Variants in PPP1R14C observed in about 807,000 individuals in gnomAD.
The protein encoded by PPP1R14C is protein phosphatase 1 regulatory subunit 14C.
In PPP1R14C, 16 loss-of-function variants were observed where a neutral mutation model predicts 20.4. The ratio of observed to expected loss-of-function variants is 0.78; its 90% CI spans 0.53 to 1.19. PPP1R14C has a LOEUF of 1.19. PPP1R14C is among the 50% of genes most tolerant of loss of function. The pLI is 0.00. For synonymous variants in PPP1R14C, 91 were observed against 91.0 expected (o/e 1.00, Z 0.00); for missense variants, 211 against 220.1 (o/e 0.96, Z 0.26).
intron 1 of PPP1R14C, among the ~76,000 whole-genome samples, chr6:150,202,604 G>C (rs1777892145): frequency 6.6e-6 from 1 of 152,210 alleles, no homozygotes; most frequent in South Asian, 2.1e-4. Flanking sequence ...AGCCCTGCAG[G>C]CTCTTCTCTG....
intron 3 of PPP1R14C, among the ~76,000 whole-genome samples, chr6:150,237,692 G>T (rs757662124): frequency 4.6e-5 from 7 of 152,272 alleles, no homozygotes; most frequent in East Asian, 1.9e-4. Context: ...TTGAGGTGAG[G>T]TCTTATTGTC....
intron 3 of PPP1R14C, among the ~76,000 whole-genome samples, chr6:150,226,132 T>G (rs528465785): frequency 3.1e-4 from 47 of 152,202 alleles, no homozygotes; most frequent in Non-Finnish European, 5.1e-4. Flanking sequence ...CTGATTCATA[T>G]TCAGTCTGCG....
intron 1 of PPP1R14C, among the ~76,000 whole-genome samples, chr6:150,171,798 ATTTCTTTTTTTCTTT>A (rs1324389420): frequency 6.6e-6 from 1 of 152,010 alleles, no homozygotes; most frequent in Non-Finnish European, 1.5e-5. Context: ...GAATTTCTCC[ATTTCTTTTTTTCTTT>A]TTTCTTTTTT....
At chr6:150,179,454 A>G (rs1777597361) in intron 1 of PPP1R14C, among the ~76,000 whole-genome samples, 1 of 150,592 alleles carries the variant, frequency 6.6e-6, no homozygotes. Context: ...AGGGTCGGCC[A>G]TGAAGACTTT....
At chr6:150,169,679 C>T (rs79961959) in intron 1 of PPP1R14C, among the ~76,000 whole-genome samples, 1,805 of 152,206 alleles carry the variant, frequency 0.012, 17 homozygotes, top group Admixed American at 0.017. Flanking sequence ...ATGAAAAGGC[C>T]GAAGCGGGAA....
chr6:150,214,216 C>A (rs1017939349), intron 1 of PPP1R14C, among the ~76,000 whole-genome samples: 3 of 152,124 alleles, frequency 2.0e-5, no homozygotes, highest in African/African-American at 7.2e-5. Flanking sequence ...TTTCCATAGA[C>A]CCAGAGCTGT....
chr6:150,235,851 T>C (rs1778353369), intron 3 of PPP1R14C, among the ~76,000 whole-genome samples: 1 of 152,204 alleles, frequency 6.6e-6, no homozygotes, highest in Non-Finnish European at 1.5e-5. Flanking sequence ...AAAAGGTTCG[T>C]CGTACTCAGG....
chr6:150,189,396 A>G (rs1777716529), intron 1 of PPP1R14C, among the ~76,000 whole-genome samples: 1 of 152,168 alleles, frequency 6.6e-6, no homozygotes, highest in South Asian at 2.1e-4. Flanking sequence ...ATCATAATGC[A>G]ATAGAGCAGA....
intron 3 of PPP1R14C, among the ~76,000 whole-genome samples, chr6:150,226,126 T>C (rs1248996919): frequency 1.3e-5 from 2 of 152,028 alleles, no homozygotes; most frequent in Admixed American, 6.6e-5. Context: ...ACCTGACTGA[T>C]TCATATTCAG....
At chr6:150,182,737 C>A (rs944709122) in intron 1 of PPP1R14C, among the ~76,000 whole-genome samples, 3 of 152,144 alleles carry the variant, frequency 2.0e-5, no homozygotes, top group African/African-American at 4.8e-5. Flanking sequence ...CAAGTAGGTA[C>A]AATAGCCAGC....
intron 1 of PPP1R14C, among the ~76,000 whole-genome samples, chr6:150,155,853 C>T (rs115787423): frequency 0.016 from 2,389 of 151,206 alleles, 61 homozygotes; most frequent in African/African-American, 0.055. Flanking sequence ...GGTAAGACCC[C>T]GTCTCTATTT....
At chr6:150,233,831 T>C (rs1040172557) in intron 3 of PPP1R14C, among the ~76,000 whole-genome samples, 1 of 152,172 alleles carries the variant, frequency 6.6e-6, no homozygotes, top group South Asian at 2.1e-4. Flanking sequence ...CTGGAGCTCA[T>C]CCTGACAGCT....
chr6:150,203,381 G>C (rs991530956), intron 1 of PPP1R14C, among the ~76,000 whole-genome samples: 2 of 152,178 alleles, frequency 1.3e-5, no homozygotes, highest in African/African-American at 4.8e-5. Flanking sequence ...GTCTTTTCAT[G>C]CTTGATGGCC....
rs368212824 is a variant in PPP1R14C at position 150,185,452 on chromosome 6, G to C, written c.307-29292G>C. Among the ~76,000 whole-genome samples the C allele has an allele frequency of 3.3e-5, 5 of 152,098 alleles. No individual in the cohort carries two copies. The highest frequency in any genetic ancestry group is 7.3e-5 in the Non-Finnish European group (5 of 68,034). ...GGGGACCATCCTTGCATTAACCACA[G>C]GAATTTCCAGCAACAGTCCACTACC... On this transcript the variant is annotated intron_variant, in intron 1 of 3. Transcript: ENST00000361131. This position sits in a 1 kb window ranked among gnomAD's most constrained non-coding sequence, Gnocchi z 4.1.
At chr6:150,169,531 G>T (rs897865214) in intron 1 of PPP1R14C, among the ~76,000 whole-genome samples, 9 of 152,200 alleles carry the variant, frequency 5.9e-5, no homozygotes, top group South Asian at 2.1e-4. Context: ...CTGTTAAAAG[G>T]TTGTCGTTGT....
chr6:150,168,656 G>A (rs1777464760), intron 1 of PPP1R14C, among the ~76,000 whole-genome samples: 1 of 152,178 alleles, frequency 6.6e-6, no homozygotes, highest in African/African-American at 2.4e-5. Flanking sequence ...CTGGGGAGGA[G>A]CAGGGACAAG....
intron 1 of PPP1R14C, among the ~76,000 whole-genome samples, chr6:150,204,191 T>C (rs1156881575): frequency 6.6e-6 from 1 of 152,238 alleles, no homozygotes; most frequent in Admixed American, 6.5e-5. Context: ...GCTTAGAAGA[T>C]TGTCCTTGCC....
At position 150,187,251 on chromosome 6, in the gene PPP1R14C, G is replaced by C. The variant is rs1000462478; in HGVS notation, c.307-27493G>C. 7.3e-3 allele frequency among the ~76,000 whole-genome samples: 334 copies of C among 45,552 alleles called. 2 individuals carry two copies. The highest frequency in any genetic ancestry group is 0.022 in the African/African-American group (244 of 11,158). 29.9% of individuals were successfully genotyped at this position (45,552 alleles called of 152,430 possible). A position where few individuals can be genotyped will look rare whatever the true frequency, so the allele number is the denominator to read the frequency against. On this transcript the variant is annotated intron_variant, in intron 1 of 3. Coordinates refer to ENST00000361131, the MANE Select transcript of PPP1R14C (RefSeq NM_030949.3). ...CACCTTGGCCTTTCTCTTTCTCTGT[G>C]TGTGTGTGTGTGTGTGTGTGTGTGT... is the stretch of plus-strand genomic sequence containing the variant.
chr6:150,188,482 CTTTTTT>C (rs753993224), intron 1 of PPP1R14C, among the ~76,000 whole-genome samples: 2 of 104,982 alleles, frequency 1.9e-5, no homozygotes, highest in South Asian at 3.3e-4. Flanking sequence ...CAGGAATTAC[CTTTTTT>C]TTTTTTTTTT....
Sources: allele counts gnomAD v4.1 joint callset (sites outside exome capture counted in the v4.1 genomes callset), GRCh38; gene constraint gnomAD v4.1.1; non-coding constraint Gnocchi (gnomAD v3.1); transcripts MANE v1.5; gene names NCBI Gene and HGNC (gene_info 2026-07-23, HGNC 2026-07-21).